Variants in PHF24 observed in about 807,000 individuals in gnomAD.
PHF24 encodes PHD finger protein 24, also known as Galpha inhibitory interacting protein.
In PHF24, 25 loss-of-function variants were observed where a neutral mutation model predicts 42.6. The ratio of observed to expected loss-of-function variants is 0.59; its 90% CI spans 0.43 to 0.82. The LOEUF (loss-of-function observed/expected upper bound fraction) is 0.82, where lower values mean the gene tolerates loss of function less well. Among genes scored for constraint, PHF24 ranks in the 40% least tolerant of loss-of-function variants. PHF24 has a pLI of 0.00. For missense variants in PHF24, 470 were observed against 538.1 expected, an observed-to-expected ratio of 0.87 and a Z score of 1.25; for synonymous variants, 185 against 204.8, an observed-to-expected ratio of 0.90 and a Z score of 0.83.
At chr9:34,682,489 T>A in the PHF24 span, among the ~76,000 whole-genome samples, 1 of 152,142 alleles carries the variant, frequency 6.6e-6, no homozygotes, top group East Asian at 1.9e-4. Context: ...TTATGTTAGG[T>A]GATACGCTCA....
At chr9:34,966,913 AT>A (rs1021524246) in intron 1 of PHF24, among the ~76,000 whole-genome samples, 7 of 150,874 alleles carry the variant, frequency 4.6e-5, no homozygotes, top group South Asian at 4.2e-4. Context: ...CCAATCAATC[AT>A]TTTTTTTTAA....
the PHF24 span, among the ~76,000 whole-genome samples, chr9:34,857,971 GGTTT>G: frequency 6.6e-4 from 72 of 109,800 alleles, no homozygotes; most frequent in African/African-American, 2.8e-3. Context: ...TTGTTTCTCT[GGTTT>G]TTTTTTTTTT....
chr9:34,825,016 G>T, the PHF24 span, among the ~76,000 whole-genome samples: 1 of 152,196 alleles, frequency 6.6e-6, no homozygotes, highest in Admixed American at 6.5e-5. Flanking sequence ...GTCGATAGGG[G>T]TGGGATTGTG....
chr9:34,977,302 A>C (rs1827230475), intron 6 of PHF24, 59 bp downstream of exon 6: 3 of 1,528,456 alleles, frequency 2.0e-6, no homozygotes, highest in African/African-American at 1.4e-5. Context: ...TTTCCATGCC[A>C]GTGGCCCTTC....
At chr9:34,731,133 T>C in the PHF24 span, among the ~76,000 whole-genome samples, 17 of 152,348 alleles carry the variant, frequency 1.1e-4, no homozygotes, top group East Asian at 3.1e-3. Context: ...AAAAATGTTT[T>C]ATTTTTATTT....
chr9:34,809,770 G>A, the PHF24 span, among the ~76,000 whole-genome samples: 3 of 152,146 alleles, frequency 2.0e-5, no homozygotes, highest in Admixed American at 6.5e-5. This position sits in a 1 kb window ranked among gnomAD's most constrained non-coding sequence, Gnocchi z 4.1. Context: ...CAGTTGGCCG[G>A]CTGTTTCAGT....
the PHF24 span, among the ~76,000 whole-genome samples, chr9:34,700,134 G>A: frequency 1.3e-5 from 2 of 152,196 alleles, no homozygotes; most frequent in East Asian, 3.8e-4. Flanking sequence ...CAAAAGGGGA[G>A]GGTGGTAGGA....
the PHF24 span, among the ~76,000 whole-genome samples, chr9:34,916,977 A>G: frequency 6.6e-6 from 1 of 152,358 alleles, no homozygotes; most frequent in South Asian, 2.1e-4. Flanking sequence ...ATGTCACTGA[A>G]TTGAGTAAAA....
the PHF24 span, among the ~76,000 whole-genome samples, chr9:34,730,484 C>T: frequency 1.3e-5 from 2 of 152,184 alleles, no homozygotes; most frequent in African/African-American, 4.8e-5. Context: ...ATCCAGCCCA[C>T]CCAGCAGATG....
At chr9:34,794,702 T>C in the PHF24 span, among the ~76,000 whole-genome samples, 1 of 152,182 alleles carries the variant, frequency 6.6e-6, no homozygotes, top group Non-Finnish European at 1.5e-5. Context: ...GGCTTGACTC[T>C]AGAGCACAAT....
the PHF24 span, among the ~76,000 whole-genome samples, chr9:34,912,028 T>C: frequency 6.6e-6 from 1 of 152,220 alleles, no homozygotes. Flanking sequence ...CTGGAAAAGA[T>C]GGACCAAGCA....
the PHF24 span, among the ~76,000 whole-genome samples, chr9:34,886,822 C>CTATG: frequency 2.4e-5 from 3 of 127,528 alleles, no homozygotes; most frequent in African/African-American, 8.2e-5. Flanking sequence ...ATCTATGTAT[C>CTATG]TATGTATCTA....
chr9:34,740,583 A>G, the PHF24 span, among the ~76,000 whole-genome samples: 118,799 of 152,176 alleles, frequency 0.78, 47,031 homozygotes, highest in East Asian at 0.95. Context: ...GCCCGCAAGC[A>G]CCTCGCGCAG....
At chr9:34,837,364 T>C in the PHF24 span, 2 of 386,306 alleles carry the variant, frequency 5.2e-6, no homozygotes, top group South Asian at 2.3e-5. Flanking sequence ...GCCCATGTTA[T>C]GGCAAACAAG....
the PHF24 span, among the ~76,000 whole-genome samples, chr9:34,861,388 G>T: frequency 2.6e-5 from 4 of 152,186 alleles, no homozygotes; most frequent in Non-Finnish European, 5.9e-5. Context: ...GAAAATCATT[G>T]AAAAGGATCA....
intron 7 of PHF24, 57 bp downstream of exon 7, chr9:34,977,698 CAAGT>C (rs1200325400): frequency 2.1e-6 from 3 of 1,408,436 alleles, no homozygotes; most frequent in Non-Finnish European, 9.8e-7. Context: ...ACAAAACACA[CAAGT>C]AAGAGAGGGC....
At chr9:34,692,689 T>C in the PHF24 span, among the ~76,000 whole-genome samples, 1 of 152,158 alleles carries the variant, frequency 6.6e-6, no homozygotes, top group African/African-American at 2.4e-5. Context: ...TGGTAGAAGA[T>C]CTACTTCTTA....
chr9:34,875,353 G>A, the PHF24 span, among the ~76,000 whole-genome samples: 1 of 152,124 alleles, frequency 6.6e-6, no homozygotes, highest in African/African-American at 2.4e-5. Context: ...AATAAAAAAT[G>A]TAAAATGATC....
chr9:34,719,386 C>G, the PHF24 span, among the ~76,000 whole-genome samples: 1 of 152,166 alleles, frequency 6.6e-6, no homozygotes, highest in African/African-American at 2.4e-5. Flanking sequence ...AATTTTGCTT[C>G]TTGCCTCTCT....
Sources: allele counts gnomAD v4.1 joint callset (sites outside exome capture counted in the v4.1 genomes callset), GRCh38; gene constraint gnomAD v4.1.1; non-coding constraint Gnocchi (gnomAD v3.1); transcripts MANE v1.5; gene names NCBI Gene and HGNC (gene_info 2026-07-23, HGNC 2026-07-21).